Variants in DHDDS observed in about 807,000 individuals in gnomAD.
The protein encoded by DHDDS is dehydrodolichyl diphosphate synthase complex subunit DHDDS.
In DHDDS, 16 loss-of-function variants were observed where a neutral mutation model predicts 46.2. The observed-to-expected ratio is 0.35, with a 90% confidence interval of 0.23 to 0.53. DHDDS has a LOEUF of 0.53. Ranked by LOEUF, DHDDS falls within the 20% of genes least tolerant of loss-of-function variation. DHDDS has a pLI of 0.94. For missense variants in DHDDS, 340 were observed against 423.7 expected, an observed-to-expected ratio of 0.80 and a Z score of 1.73; for synonymous variants, 151 against 163.1, an observed-to-expected ratio of 0.93 and a Z score of 0.56.
At position 26,433,800 on chromosome 1, in the gene DHDDS, A is replaced by G. The variant is rs190124770; in HGVS notation, c.63+792A>G. Among the ~76,000 whole-genome samples the G allele has an allele frequency of 2.7e-3, 407 of 152,168 alleles. 2 individuals carry two copies. Among genetic ancestry groups the G allele is most frequent in the African/African-American group, 9.2e-3 (384 of 41,520 alleles). ...GCCCAGGCTGGAGTGCAATGGCGCA[A>G]TCTTGGCTTACTGCAACCTTCATCT... On this transcript the variant is annotated intron_variant, in intron 2 of 8. Coordinates refer to ENST00000236342, the MANE Select transcript of DHDDS (RefSeq NM_205861.3).
chr1:26,451,125 T>C (rs1453742594), intron 6 of DHDDS, among the ~76,000 whole-genome samples: 1 of 152,192 alleles, frequency 6.6e-6, no homozygotes, highest in African/African-American at 2.4e-5. Context: ...TCTGTGGGGT[T>C]AGTTATGCAG....
At chr1:26,468,807 C>CAGG in intron 8 of DHDDS, 88 bp from the exon 9 acceptor site, 1 of 1,186,218 alleles carries the variant, frequency 8.4e-7, no homozygotes, top group Non-Finnish European at 1.2e-6. Context: ...TTGGCCCACC[C>CAGG]TGTGCCCCAC....
At chr1:26,444,102 T>C (rs1327987746) in intron 4 of DHDDS, among the ~76,000 whole-genome samples, 2 of 152,204 alleles carry the variant, frequency 1.3e-5, no homozygotes, top group Admixed American at 6.5e-5. Flanking sequence ...CAGACCATAT[T>C]ACAATTCCTG....
chr1:26,457,235 C>T (rs34493808), intron 6 of DHDDS, among the ~76,000 whole-genome samples: 10,036 of 148,702 alleles, frequency 0.067, 367 homozygotes, highest in East Asian at 0.12. Context: ...GAGGGGGGGG[C>T]GGATCACGAG....
intron 2 of DHDDS, among the ~76,000 whole-genome samples, chr1:26,437,394 C>T (rs1215386642): frequency 6.6e-6 from 1 of 151,826 alleles, no homozygotes; most frequent in African/African-American, 2.4e-5. Flanking sequence ...TTTTTTAATC[C>T]CAGCACTTCG....
chr1:26,453,453 T>C (rs2075340558), intron 6 of DHDDS, among the ~76,000 whole-genome samples: 1 of 152,186 alleles, frequency 6.6e-6, no homozygotes, highest in African/African-American at 2.4e-5. Flanking sequence ...CTTGCCAAGA[T>C]TTTTTAAATG....
chr1:26,444,579 C>A (rs551158254), intron 4 of DHDDS, among the ~76,000 whole-genome samples: 2 of 151,956 alleles, frequency 1.3e-5, no homozygotes, highest in South Asian at 4.1e-4. Flanking sequence ...CCCATCTCTA[C>A]AAAAAAATAC....
intron 3 of DHDDS, chr1:26,438,583 GACTTGATGGTGCAC>G (rs977021800): frequency 5.4e-6 from 2 of 367,044 alleles, no homozygotes; most frequent in African/African-American, 4.2e-5. Flanking sequence ...AAATTAGCCA[GACTTGATGGTGCAC>G]ACCTGTGCCC....
rs2075531816 is a variant in DHDDS, at chr1:26,469,567, T to C, written c.*436T>C. On this transcript the variant is annotated 3_prime_UTR_variant, in exon 9 of 9. Coordinates refer to ENST00000236342, the MANE Select transcript of DHDDS (RefSeq NM_205861.3). Reference sequence around the variant, plus strand: ...AGATTTGGCTCTACCTTGGATCTGCTAGTAAATAACTAATAGGCAGGCAGT... The same window carrying C: ...AGATTTGGCTCTACCTTGGATCTGCCAGTAAATAACTAATAGGCAGGCAGT... 8.1e-6 allele frequency: 2 copies of C among 246,488 alleles called. No homozygotes were observed. Among genetic ancestry groups the C allele is most frequent in the Non-Finnish European group, 1.6e-5 (2 of 121,638 alleles). The allele number at this position is 246,488 out of a possible 1,614,324, so 15.3% of individuals were successfully genotyped here.
chr1:26,441,943 A>G (rs1454292262), intron 3 of DHDDS, among the ~76,000 whole-genome samples: 1 of 151,906 alleles, frequency 6.6e-6, no homozygotes, highest in African/African-American at 2.4e-5. Flanking sequence ...CTCTCCAAAA[A>G]AATTCCCTGG....
At chr1:26,450,151 GTCTA>G (rs2075305981) in intron 6 of DHDDS, among the ~76,000 whole-genome samples, 2 of 151,988 alleles carry the variant, frequency 1.3e-5, no homozygotes, top group South Asian at 4.1e-4. Flanking sequence ...GAGTCTGTCT[GTCTA>G]TCTGTGTATT....
chr1:26,432,603 CA>C (rs2075115162), intron 1 of DHDDS: 2 of 357,100 alleles, frequency 5.6e-6, no homozygotes, highest in Admixed American at 8.2e-5. Flanking sequence ...ATGTGGGCAC[CA>C]TGATGTGGCA....
intron 6 of DHDDS, among the ~76,000 whole-genome samples, chr1:26,452,687 C>T (rs955846931): frequency 1.3e-5 from 2 of 152,164 alleles, no homozygotes; most frequent in Admixed American, 1.3e-4. Flanking sequence ...TGCAAGTTCA[C>T]ATAGTTGGCA....
At chr1:26,467,322 G>T in intron 8 of DHDDS, 1 of 471,510 alleles carries the variant, frequency 2.1e-6, no homozygotes, top group Non-Finnish European at 4.4e-6. Flanking sequence ...CCAAGGCCTG[G>T]AAGAAGCCCT....
intron 6 of DHDDS, chr1:26,454,780 A>G: frequency 6.3e-7 from 1 of 1,583,922 alleles, no homozygotes; most frequent in Admixed American, 1.7e-5. Flanking sequence ...TGGATGGGTT[A>G]ATCCAACCAT....
At chr1:26,464,139 C>T (rs1193299414) in intron 8 of DHDDS, among the ~76,000 whole-genome samples, 6 of 151,690 alleles carry the variant, frequency 4.0e-5, no homozygotes, top group African/African-American at 1.5e-4. Context: ...ACTACAGGCA[C>T]GTGCCACCAC....
chr1:26,435,601 C>A (rs2124351508), intron 2 of DHDDS, among the ~76,000 whole-genome samples: 1 of 151,658 alleles, frequency 6.6e-6, no homozygotes, highest in South Asian at 2.1e-4. Flanking sequence ...CCACACCTGG[C>A]TAATTTTTGT....
chr1:26,446,698 G>T (rs1022347172), intron 5 of DHDDS, among the ~76,000 whole-genome samples: 2 of 152,018 alleles, frequency 1.3e-5, no homozygotes, highest in African/African-American at 4.8e-5. Flanking sequence ...GTGTGTGTGT[G>T]TGTGTGTGTG....
At chr1:26,468,807 C>CGG in intron 8 of DHDDS, 88 bp from the exon 9 acceptor site, 1 of 1,186,218 alleles carries the variant, frequency 8.4e-7, no homozygotes, top group Non-Finnish European at 1.2e-6. Context: ...TTGGCCCACC[C>CGG]TGTGCCCCAC....
Sources: allele counts gnomAD v4.1 joint callset (sites outside exome capture counted in the v4.1 genomes callset), GRCh38; gene constraint gnomAD v4.1.1; transcripts MANE v1.5; gene names NCBI Gene and HGNC (gene_info 2026-07-23, HGNC 2026-07-21).